Variants in PADI1 observed in about 807,000 individuals in gnomAD.
PADI1 encodes the protein protein-arginine deiminase type-1.
PADI1 carries 65 observed loss-of-function variants against 74.8 expected under a neutral mutation model. That is an observed-to-expected ratio of 0.87 (90% CI 0.71 to 1.07). The LOEUF is 1.07. PADI1 is among the 50% of genes least tolerant of loss of function. The pLI is 0.00. For synonymous variants in PADI1, 371 were observed against 336.2 expected, an observed-to-expected ratio of 1.10 and a Z score of -1.13; for missense variants, 943 against 854.0, an observed-to-expected ratio of 1.10 and a Z score of -1.30.
rs527563105 is a variant in PADI1 at position 17,223,382 on chromosome 1, C to T, written c.274-239C>T. 4.8e-4 allele frequency: 255 copies of T among 527,646 alleles called. 7 individuals carry two copies. The South Asian group carries it at 5.7e-3, about 12-fold the overall frequency. The allele number at this position is 527,646 out of a possible 1,614,324, so 32.7% of individuals were successfully genotyped here. A position where few individuals can be genotyped will look rare whatever the true frequency, so the allele number is the denominator to read the frequency against. Reference sequence around the variant, plus strand: ...CCTTTCCCATCCCTCCACCTTTCCCCCACCCTCCTTGCTCCTCACACCTGC... The same window carrying T: ...CCTTTCCCATCCCTCCACCTTTCCCTCACCCTCCTTGCTCCTCACACCTGC... On this transcript the variant is annotated intron_variant, in intron 2 of 15. Transcript: ENST00000375471.
Position 17,228,967 on chromosome 1 carries a change from T to C in PADI1, c.845T>C (p.Leu282Pro). ...VDPGTLPEVT[L>P]FTDTVGFRMA... is the part of the protein sequence containing the mutation. ...CCTCAGACCCTGCCCGAGGTGACCCTCTTCACAGACACTGTGGGCTTCCGC... is the reference window on the plus strand; with the variant it reads ...CCTCAGACCCTGCCCGAGGTGACCCCCTTCACAGACACTGTGGGCTTCCGC... The change falls in exon 8 of 16, where the codon CTC becomes CCC. Residue 282 changes from leucine to proline, a missense_variant. By Grantham distance (98) the Leu-to-Pro change is moderately conservative (BLOSUM62 -3). Coordinates refer to ENST00000375471, the MANE Select transcript of PADI1 (RefSeq NM_013358.3). 1.9e-6 allele frequency: 3 copies of C among 1,600,320 alleles called. No homozygotes were observed. Among genetic ancestry groups the C allele is most frequent in the Non-Finnish European group, 2.6e-6 (3 of 1,172,692 alleles).
intron 6 of PADI1, among the ~76,000 whole-genome samples, chr1:17,227,350 C>A (rs2072345935): frequency 6.6e-6 from 1 of 151,660 alleles, no homozygotes; most frequent in South Asian, 2.1e-4. Flanking sequence ...GAGTTTGAGA[C>A]CAGCCTGGGC....
chr1:17,240,063 C>A, intron 14 of PADI1: 1 of 416,564 alleles, frequency 2.4e-6, no homozygotes, highest in Non-Finnish European at 4.4e-6. Context: ...AGCCTCTCAT[C>A]TGAGAAGTCT....
At chr1:17,237,547 A>C in intron 12 of PADI1, 89 bp downstream of exon 12, 5 of 1,302,670 alleles carry the variant, frequency 3.8e-6, no homozygotes, top group Non-Finnish European at 5.2e-6. Flanking sequence ...GAACCAGCTC[A>C]ACCCTGTGCC....
chr1:17,205,919 A>T (rs2071670952), intron 1 of PADI1, among the ~76,000 whole-genome samples: 3 of 152,148 alleles, frequency 2.0e-5, no homozygotes, highest in African/African-American at 7.2e-5. Flanking sequence ...GATGGCGATG[A>T]TGGCGGTGAT....
At chr1:17,226,695 C>T (rs1329569966) in intron 6 of PADI1, among the ~76,000 whole-genome samples, 1 of 152,130 alleles carries the variant, frequency 6.6e-6, no homozygotes, top group Non-Finnish European at 1.5e-5. Flanking sequence ...AGGCGGATCA[C>T]CTGAGGTCAG....
intron 1 of PADI1, among the ~76,000 whole-genome samples, chr1:17,215,378 T>TTCATCA (rs559907183): frequency 0.027 from 4,045 of 148,394 alleles, 176 homozygotes; most frequent in African/African-American, 0.091. Flanking sequence ...TCCCCCTTCT[T>TTCATCA]TCATCATCAT....
In PADI1 at chr1:17,239,601, C is replaced by T. The variant is rs967801852; in HGVS notation, c.1553-103C>T. The T allele has an allele frequency of 3.5e-6, 3 of 847,054 alleles. No homozygotes were observed. The African/African-American group carries it at 5.0e-5, about 14-fold the overall frequency. The allele number at this position is 847,054 out of a possible 1,614,324, so 52.5% of individuals were successfully genotyped here. ...TCTGTCCTGGCTTCTGACCCTGGCACTGAGGTAGGAGGGAAATCCTGGCCT... is the reference window on the plus strand; with the variant it reads ...TCTGTCCTGGCTTCTGACCCTGGCATTGAGGTAGGAGGGAAATCCTGGCCT... On this transcript the variant is annotated intron_variant, in intron 13 of 15. Transcript: ENST00000375471.
chr1:17,218,359 A>C (rs527536482), intron 1 of PADI1, among the ~76,000 whole-genome samples: 115 of 152,124 alleles, frequency 7.6e-4, no homozygotes, highest in African/African-American at 2.7e-3. Context: ...GAACCCCCCC[A>C]CTCCAGAGAG....
chr1:17,213,206 AG>A (rs2071880461), intron 1 of PADI1, among the ~76,000 whole-genome samples: 1 of 15,194 alleles, frequency 6.6e-5, no homozygotes, highest in Non-Finnish European at 1.6e-4. Context: ...TGGTAGGAGC[AG>A]GGAAAAGTAA....
At position 17,244,666 on chromosome 1, in the gene PADI1, A is replaced by G. The variant is rs571736916; in HGVS notation, c.*423A>G. On this transcript the variant is annotated 3_prime_UTR_variant, in exon 16 of 16. Transcript: ENST00000375471. ...GGACCTGGGGTCTGGTGTGCCAGGC[A>G]CCAGGCTGCCTCTGCTCTTGGAAAA... is the stretch of plus-strand genomic sequence containing the variant. 2.8e-6 allele frequency: 1 copy of G among 354,818 alleles called. No individual in the cohort carries two copies. The highest frequency in any genetic ancestry group is 5.6e-6 in the Non-Finnish European group (1 of 179,786). 22.0% of individuals were successfully genotyped at this position (354,818 alleles called of 1,614,324 possible). A position where few individuals can be genotyped will look rare whatever the true frequency, so the allele number is the denominator to read the frequency against.
rs756098797 is a variant in PADI1 at position 17,223,710 on chromosome 1, T to G, written c.346+17T>G. On this transcript the variant is annotated intron_variant, in intron 3 of 15. Transcript: ENST00000375471. ...CTGGCGTCGGTAAGTAGCAGCTCCC[T>G]GGCTGCCCATCTATCCCTTTGCCCC... 5 of 1,606,342 alleles carry G rather than the reference T, an allele frequency of 3.1e-6. No homozygotes were observed. The highest frequency in any genetic ancestry group is 1.1e-5 in the South Asian group (1 of 90,860).
chr1:17,213,766 T>C (rs1243626063), intron 1 of PADI1, among the ~76,000 whole-genome samples: 1 of 152,206 alleles, frequency 6.6e-6, no homozygotes, highest in Non-Finnish European at 1.5e-5. Flanking sequence ...CCTTATGCCA[T>C]AACCAGTGGG....
chr1:17,221,476 A>G (rs941300996), intron 1 of PADI1, among the ~76,000 whole-genome samples: 1 of 151,626 alleles, frequency 6.6e-6, no homozygotes, highest in African/African-American at 2.4e-5. Flanking sequence ...CTCAAGAAAA[A>G]AAAAAAAAAA....
intron 1 of PADI1, among the ~76,000 whole-genome samples, chr1:17,219,776 G>A (rs1180275041): frequency 6.6e-6 from 1 of 152,086 alleles, no homozygotes; most frequent in East Asian, 1.9e-4. Flanking sequence ...ACATTGAGGA[G>A]CATGAAGGAC....
chr1:17,230,177 A>C lies in PADI1; in HGVS notation c.1022A>C (p.Gln341Pro), dbSNP rs1317795515. 2 of 1,614,056 alleles carry C rather than the reference A, an allele frequency of 1.2e-6. No homozygotes were observed. The highest frequency in any genetic ancestry group is 3.3e-5 in the Admixed American group (2 of 59,994). The change falls in exon 9 of 16, where the codon CAA becomes CCA. Residue 341 changes from glutamine (Q) to proline (P), a missense_variant. Gln to Pro is a moderately conservative substitution (Grantham distance 76). Coordinates refer to ENST00000375471, the MANE Select transcript of PADI1 (RefSeq NM_013358.3). ...KANCKLTICP[Q>P]VENRNDRWIQ... Reference sequence around the variant, plus strand: ...AACTGCAAGCTGACCATCTGCCCTCAAGTTGAAAATCGAAATGACCGCTGG... The same window carrying C: ...AACTGCAAGCTGACCATCTGCCCTCCAGTTGAAAATCGAAATGACCGCTGG...
chr1:17,212,851 C>A (rs955872496), intron 1 of PADI1, among the ~76,000 whole-genome samples: 10 of 152,206 alleles, frequency 6.6e-5, no homozygotes, highest in Admixed American at 2.6e-4. Flanking sequence ...CACCACCCCC[C>A]TCGCCTTGCC....
chr1:17,215,393 ATCG>A (rs879333324), intron 1 of PADI1, among the ~76,000 whole-genome samples: 1,669 of 130,110 alleles, frequency 0.013, 17 homozygotes, highest in Admixed American at 0.015. Flanking sequence ...CATCATCATC[ATCG>A]TCATCATCAT....
At chr1:17,217,420 T>C (rs897604141) in intron 1 of PADI1, among the ~76,000 whole-genome samples, 2 of 152,158 alleles carry the variant, frequency 1.3e-5, no homozygotes, top group South Asian at 2.1e-4. Context: ...TAAAAAGTTG[T>C]GTGTCCTCTC....
Sources: gnomAD v4.1 joint callset for allele counts (sites outside exome capture counted in the v4.1 genomes callset) on GRCh38, gnomAD v4.1.1 for gene constraint, MANE v1.5 for transcripts, NCBI Gene and HGNC (gene_info 2026-07-23, HGNC 2026-07-21) for gene names.